The following BNC2 variants were observed in gnomAD, a reference collection of about 807,000 sequenced individuals.
The protein encoded by BNC2 is zinc finger protein basonuclin-2.
In BNC2, 20 loss-of-function variants were observed where a neutral mutation model predicts 76.3. That is an observed-to-expected ratio of 0.26 (90% CI 0.18 to 0.38). BNC2 has a LOEUF of 0.38. Among genes scored for constraint, BNC2 ranks in the 10% least tolerant of loss-of-function variants. The pLI is 1.00. For missense variants in BNC2, 1,382 were observed against 1,399.8 expected, an observed-to-expected ratio of 0.99 and a Z score of 0.20; for synonymous variants, 582 against 514.8, an observed-to-expected ratio of 1.13 and a Z score of -1.77.
rs564107890 is a variant in BNC2 at position 16,744,133 on chromosome 9, A to T, written c.4-5648T>A. Among the ~76,000 whole-genome samples the T allele has an allele frequency of 2.6e-5, 4 of 151,234 alleles. No homozygotes were observed. The South Asian group carries it at 6.3e-4, about 24-fold the overall frequency. ...AGGCGCCTGCCACCACGCCCGGCTA[A>T]TTTTTTTTTGTATTTTTAGTAGAGA... is the stretch of plus-strand genomic sequence containing the variant. On this transcript the variant is annotated intron_variant, in intron 1 of 6. Transcript: ENST00000380672.
chr9:16,697,435 G>A lies in BNC2; in HGVS notation c.330+30362C>T, dbSNP rs1012796018. Among the ~76,000 whole-genome samples, 13 of 151,876 alleles carry A rather than the reference G, an allele frequency of 8.6e-5. 1 individual carries two copies. The South Asian group carries it at 2.7e-3, about 32-fold the overall frequency. ...ACATATGCTGAAATCTAAAGTATAC[G>A]ATGTGGCAGGGCACGGTGGCTCACG... On this transcript the variant is annotated intron_variant, in intron 3 of 6. Coordinates refer to ENST00000380672, the MANE Select transcript of BNC2 (RefSeq NM_017637.6).
chr9:16,731,442 C>T (rs935684173), intron 2 of BNC2, among the ~76,000 whole-genome samples: 1 of 152,084 alleles, frequency 6.6e-6, no homozygotes, highest in African/African-American at 2.4e-5. Context: ...GTGAATACTT[C>T]CCCCACACCA....
intron 5 of BNC2, among the ~76,000 whole-genome samples, chr9:16,461,337 G>C (rs1421145432): frequency 1.3e-5 from 2 of 152,128 alleles, no homozygotes; most frequent in African/African-American, 2.4e-5. Flanking sequence ...AAGTATGGCA[G>C]GAATCTGTTT....
intron 4 of BNC2, among the ~76,000 whole-genome samples, chr9:16,560,699 C>T (rs1455753115): frequency 6.6e-6 from 1 of 152,074 alleles, no homozygotes; most frequent in African/African-American, 2.4e-5. Flanking sequence ...TATACTCCAG[C>T]GTGGATGACA....
intron 6 of BNC2, among the ~76,000 whole-genome samples, chr9:16,425,587 A>G (rs1300705289): frequency 6.6e-6 from 1 of 152,252 alleles, no homozygotes; most frequent in Admixed American, 6.5e-5. Flanking sequence ...CGTGAACGAA[A>G]TCACCAAATT....
intron 5 of BNC2, among the ~76,000 whole-genome samples, chr9:16,481,049 C>G (rs1054196395): frequency 3.9e-5 from 6 of 152,188 alleles, no homozygotes; most frequent in African/African-American, 1.2e-4. Flanking sequence ...CTGTATCTAG[C>G]TCAAGGTTTG....
At chr9:16,751,757 G>T (rs5016911) in intron 1 of BNC2, among the ~76,000 whole-genome samples, 1 of 151,114 alleles carries the variant, frequency 6.6e-6, no homozygotes, top group Non-Finnish European at 1.5e-5. Context: ...TCAGCCAGGC[G>T]CAGTGGCTCA....
chr9:16,584,326 C>T (rs1489960957), intron 3 of BNC2, among the ~76,000 whole-genome samples: 2 of 152,114 alleles, frequency 1.3e-5, no homozygotes, highest in Admixed American at 1.3e-4. Flanking sequence ...TTGTAACAGG[C>T]AGTATTTTGG....
In BNC2 at chr9:16,412,587, T is replaced by G. The variant is rs900855253; in HGVS notation, c.*6402A>C. ...CTCTACTGACCCTTTATTTAAGAAGTCATCTTGTTACTGTCCACTTAATAG... is the reference window on the plus strand; with the variant it reads ...CTCTACTGACCCTTTATTTAAGAAGGCATCTTGTTACTGTCCACTTAATAG... On this transcript the variant is annotated 3_prime_UTR_variant, in exon 7 of 7. Transcript: ENST00000380672. The G allele has an allele frequency of 7.2e-5, 11 of 152,588 alleles. No individual in the cohort carries two copies. The highest frequency in any genetic ancestry group is 1.3e-4 in the Non-Finnish European group (9 of 68,036). 9.5% of individuals were successfully genotyped at this position (152,588 alleles called of 1,614,324 possible).
chr9:16,459,672 T>C (rs933583214), intron 5 of BNC2, among the ~76,000 whole-genome samples: 1 of 152,174 alleles, frequency 6.6e-6, no homozygotes, highest in Non-Finnish European at 1.5e-5. Flanking sequence ...GCAGCTGCAC[T>C]GCCATACAGT....
intron 6 of BNC2, among the ~76,000 whole-genome samples, chr9:16,423,707 G>A (rs1820751306): frequency 6.6e-6 from 1 of 152,162 alleles, no homozygotes; most frequent in Non-Finnish European, 1.5e-5. Context: ...GAAAGGTGGT[G>A]GCGACAAAAC....
intron 1 of BNC2, among the ~76,000 whole-genome samples, chr9:16,834,991 C>T (rs1252628906): frequency 2.6e-5 from 4 of 152,104 alleles, no homozygotes; most frequent in African/African-American, 9.7e-5. Flanking sequence ...TCATGGATAT[C>T]CACGGGTACT....
intron 5 of BNC2, among the ~76,000 whole-genome samples, chr9:16,484,639 T>C (rs1486493634): frequency 6.6e-6 from 1 of 152,220 alleles, no homozygotes; most frequent in Non-Finnish European, 1.5e-5. Flanking sequence ...ATTTTCCTTT[T>C]TCCAACTGTT....
chr9:16,702,959 T>G (rs954977248), intron 3 of BNC2, among the ~76,000 whole-genome samples: 5 of 152,216 alleles, frequency 3.3e-5, no homozygotes, highest in Admixed American at 6.5e-5. Context: ...GCCAAACAAG[T>G]GTGCCTGGCA....
At chr9:16,587,700 C>T (rs897905677) in intron 3 of BNC2, among the ~76,000 whole-genome samples, 1 of 152,132 alleles carries the variant, frequency 6.6e-6, no homozygotes, top group African/African-American at 2.4e-5. Context: ...TGTCCATTCT[C>T]CTTGGTTGGA....
intron 1 of BNC2, among the ~76,000 whole-genome samples, chr9:16,844,745 T>C (rs1490007056): frequency 3.3e-5 from 5 of 152,192 alleles, no homozygotes. Context: ...GTGATCCACC[T>C]GCCTTGGCCA....
intron 5 of BNC2, among the ~76,000 whole-genome samples, chr9:16,465,981 G>A (rs1453798066): frequency 7.4e-6 from 1 of 135,310 alleles, no homozygotes; most frequent in Non-Finnish European, 1.6e-5. Flanking sequence ...CTTCAGCAAA[G>A]TCTCAGGATA....
rs35836794 is a variant in BNC2 at position 16,759,725 on chromosome 9, ATT to A, written c.4-21242_4-21241del. On this transcript the variant is annotated intron_variant, in intron 1 of 6. Coordinates refer to ENST00000380672, the MANE Select transcript of BNC2 (RefSeq NM_017637.6). ...ACCTCAATTTTTGGAGACATAAACT[ATT>A]TTTTTTTTTTTTTTGACACAGAGTC... Among the ~76,000 whole-genome samples, 1,301 of 141,374 alleles carry A rather than the reference ATT, an allele frequency of 9.2e-3. 7 individuals carry two copies. Among genetic ancestry groups the A allele is most frequent in the African/African-American group, 0.019 (732 of 38,828 alleles). The allele number at this position is 141,374 out of a possible 152,430, so 92.7% of individuals were successfully genotyped here.
chr9:16,638,155 T>C (rs1401639038), intron 3 of BNC2, among the ~76,000 whole-genome samples: 1 of 152,226 alleles, frequency 6.6e-6, no homozygotes, highest in Non-Finnish European at 1.5e-5. Context: ...TCTCGTGATA[T>C]TTCCACTGCC....
Sources: allele counts gnomAD v4.1 joint callset (sites outside exome capture counted in the v4.1 genomes callset), GRCh38; gene constraint gnomAD v4.1.1; transcripts MANE v1.5; gene names NCBI Gene and HGNC (gene_info 2026-07-23, HGNC 2026-07-21).